Variants in FBXL17 observed in about 807,000 individuals in gnomAD.
FBXL17 encodes F-box and leucine rich repeat protein 17.
FBXL17 carries 22 observed loss-of-function variants against 66.2 expected under a neutral mutation model. The ratio of observed to expected loss-of-function variants is 0.33; its 90% CI spans 0.24 to 0.47. The LOEUF (loss-of-function observed/expected upper bound fraction) is 0.47. Ranked by LOEUF, FBXL17 falls within the 20% of genes least tolerant of loss-of-function variation. The pLI, the probability that FBXL17 is intolerant of heterozygous loss-of-function variation, is 1.00. For synonymous variants in FBXL17, 474 were observed against 400.5 expected (o/e 1.18, Z -2.19); for missense variants, 878 against 948.2 (o/e 0.93, Z 0.97).
At chr5:107,876,537 A>G (rs572682293) in intron 8 of FBXL17, among the ~76,000 whole-genome samples, 32 of 152,256 alleles carry the variant, frequency 2.1e-4, no homozygotes, top group Admixed American at 6.5e-4. Flanking sequence ...GGTTTCCACC[A>G]CGACACTTTT....
intron 6 of FBXL17, among the ~76,000 whole-genome samples, chr5:108,097,991 C>G (rs1749446283): frequency 6.6e-6 from 1 of 152,014 alleles, no homozygotes; most frequent in South Asian, 2.1e-4. Context: ...AGCTCCATGA[C>G]AGCAGAAAGC....
intron 4 of FBXL17, chr5:108,299,262 GGC>G (rs1758478961): frequency 1.0e-6 from 1 of 984,782 alleles, no homozygotes; most frequent in African/African-American, 1.8e-5. Flanking sequence ...AAAGCGTTAG[GGC>G]AGATCCCTCT....
At chr5:108,010,765 C>T (rs927717420) in intron 7 of FBXL17, among the ~76,000 whole-genome samples, 17 of 151,548 alleles carry the variant, frequency 1.1e-4, no homozygotes, top group African/African-American at 3.6e-4. Flanking sequence ...ATTTGAGCAT[C>T]AATAAAAAAA....
In FBXL17 at chr5:108,330,701, ACAT is replaced by A. The variant is rs1192045630; in HGVS notation, c.1506+17695_1506+17697del. Among the ~76,000 whole-genome samples the A allele has an allele frequency of 2.6e-5, 4 of 152,134 alleles. No homozygotes were observed. The South Asian group carries it at 6.2e-4, about 24-fold the overall frequency. On this transcript the variant is annotated intron_variant, in intron 4 of 8. Coordinates refer to ENST00000542267, the MANE Select transcript of FBXL17 (RefSeq NM_001163315.3). ...TATTGTTTTATACATACACACATACACATCATCATCACAGGTACACACACATCA... is the reference window on the plus strand; with the variant it reads ...TATTGTTTTATACATACACACATACACATCATCACAGGTACACACACATCA...
chr5:107,959,148 TG>T (rs1751791277), intron 7 of FBXL17, among the ~76,000 whole-genome samples: 1 of 151,894 alleles, frequency 6.6e-6, no homozygotes, highest in South Asian at 2.1e-4. Context: ...TCCTCATAGG[TG>T]GGGGCCCTCT....
At chr5:108,102,956 A>G (rs1411047765) in intron 6 of FBXL17, among the ~76,000 whole-genome samples, 10 of 152,246 alleles carry the variant, frequency 6.6e-5, no homozygotes, top group Non-Finnish European at 4.4e-5. Context: ...ACTAAAAGAT[A>G]TAACATCAAC....
At chr5:108,187,056 T>A (rs539473177) in intron 5 of FBXL17, among the ~76,000 whole-genome samples, 17 of 152,222 alleles carry the variant, frequency 1.1e-4, no homozygotes, top group South Asian at 4.1e-4. Context: ...CTATTATGGG[T>A]ATGTGTTTCA....
At chr5:108,032,452 G>T in intron 6 of FBXL17, among the ~76,000 whole-genome samples, 1 of 151,940 alleles carries the variant, frequency 6.6e-6, no homozygotes, top group East Asian at 1.9e-4. Context: ...AAGAGTGTCT[G>T]CAGGTATGAT....
intron 4 of FBXL17, among the ~76,000 whole-genome samples, chr5:108,251,083 C>A (rs1404269144): frequency 2.6e-5 from 4 of 151,958 alleles, no homozygotes; most frequent in African/African-American, 9.7e-5. Context: ...AAAACTAGCA[C>A]CAATTATCTG....
At chr5:108,184,671 G>A (rs1387474502) in intron 6 of FBXL17, among the ~76,000 whole-genome samples, 2 of 149,162 alleles carry the variant, frequency 1.3e-5, no homozygotes, top group Non-Finnish European at 3.0e-5. Flanking sequence ...TTGAACCCAG[G>A]AGGTGGAGGC....
At chr5:108,321,795 A>G (rs750534204) in intron 4 of FBXL17, among the ~76,000 whole-genome samples, 4 of 151,898 alleles carry the variant, frequency 2.6e-5, no homozygotes, top group African/African-American at 4.8e-5. Context: ...ACAAGAAAAA[A>G]AATTATAACT....
At chr5:108,127,388 G>T (rs1385682976) in intron 6 of FBXL17, among the ~76,000 whole-genome samples, 2 of 152,146 alleles carry the variant, frequency 1.3e-5, no homozygotes, top group African/African-American at 4.8e-5. Flanking sequence ...AGCTGTGCTG[G>T]CACAAGGGGC....
chr5:108,307,140 T>C (rs1228957348), intron 4 of FBXL17, among the ~76,000 whole-genome samples: 2 of 152,106 alleles, frequency 1.3e-5, no homozygotes, highest in African/African-American at 4.8e-5. Context: ...TGGTGATGAA[T>C]GTGAGTCACC....
chr5:108,379,924 G>A (rs1357120270), intron 1 of FBXL17, among the ~76,000 whole-genome samples: 1 of 152,152 alleles, frequency 6.6e-6, no homozygotes, highest in Admixed American at 6.5e-5. Flanking sequence ...TTATGCAAGG[G>A]TTAAAATGTA....
At chr5:108,346,441 CAT>C (rs1747286408) in intron 4 of FBXL17, among the ~76,000 whole-genome samples, 1 of 151,908 alleles carries the variant, frequency 6.6e-6, no homozygotes. Context: ...ACCTTAAAAA[CAT>C]AAACAGTTGC....
chr5:108,186,105 TA>T lies in FBXL17; in HGVS notation c.1745+11del, dbSNP rs746639933. On this transcript the variant is annotated intron_variant, in intron 6 of 8. Transcript: ENST00000542267. ...CTCTAGAAAAGTATTTTTAACATGT[TA>T]CAATGGTTACCTGTCATTTATGATC... 2 of 1,601,802 alleles carry T rather than the reference TA, an allele frequency of 1.2e-6. No homozygotes were observed. The highest frequency in any genetic ancestry group is 3.4e-5 in the Admixed American group (2 of 59,250).
chr5:108,170,526 A>G lies in FBXL17; in HGVS notation c.1745+15591T>C, dbSNP rs111332659. ...TATATACCATAGAAGTTATGTTATT[A>G]TAAGACTATTTTTTTCCTTTTTTTG... On this transcript the variant is annotated intron_variant, in intron 6 of 8. Coordinates refer to ENST00000542267, the MANE Select transcript of FBXL17 (RefSeq NM_001163315.3). Among the ~76,000 whole-genome samples the G allele has an allele frequency of 1.1e-3, 163 of 152,220 alleles. 4 individuals carry two copies. Among genetic ancestry groups the G allele is most frequent in the African/African-American group, 3.6e-3 (151 of 41,548 alleles).
chr5:107,940,085 A>C (rs1204185850), intron 7 of FBXL17, among the ~76,000 whole-genome samples: 2 of 152,178 alleles, frequency 1.3e-5, no homozygotes, highest in Non-Finnish European at 2.9e-5. Flanking sequence ...CAAGAGTATT[A>C]TTTCTACTTA....
intron 4 of FBXL17, among the ~76,000 whole-genome samples, chr5:108,317,002 TATA>T (rs1759395682): frequency 6.6e-6 from 1 of 151,326 alleles, no homozygotes; most frequent in South Asian, 2.1e-4. Flanking sequence ...TAAAGTTATT[TATA>T]ATAATTTCAA....
Sources: allele counts gnomAD v4.1 joint callset (sites outside exome capture counted in the v4.1 genomes callset), GRCh38; gene constraint gnomAD v4.1.1; transcripts MANE v1.5; gene names NCBI Gene and HGNC (gene_info 2026-07-23, HGNC 2026-07-21).